Variants in AGTPBP1 observed in about 807,000 individuals in gnomAD.
The protein encoded by AGTPBP1 is ATP/GTP binding carboxypeptidase 1.
Under a neutral mutation model 143.9 loss-of-function variants are expected in AGTPBP1, and 70 were observed. The observed-to-expected ratio is 0.49, with a 90% CI of 0.40 to 0.59. The LOEUF (loss-of-function observed/expected upper bound fraction) is 0.59, where lower values mean the gene tolerates loss of function less well. AGTPBP1 is among the 20% of genes least tolerant of loss of function. The pLI is 0.00. For synonymous variants in AGTPBP1, 463 were observed against 500.2 expected (o/e 0.93, Z 0.99); for missense variants, 1,229 against 1,464.5 (o/e 0.84, Z 2.62).
chr9:85,613,295 G>GA lies in AGTPBP1; in HGVS notation c.2335+5687dup, dbSNP rs201539206. 1.2e-4 allele frequency among the ~76,000 whole-genome samples: 18 copies of GA among 148,114 alleles called. 2 individuals are homozygous for GA. The South Asian group carries it at 1.9e-3, about 16-fold the overall frequency. ...GTAAACATACCAGAAGTTAGAAAAA[G>GA]AAAAAAAAATCAGCCTGCAGAGAGG... is the stretch of plus-strand genomic sequence containing the variant. On this transcript the variant is annotated intron_variant, in intron 17 of 25. Coordinates refer to ENST00000357081, the MANE Select transcript of AGTPBP1 (RefSeq NM_001330701.2).
chr9:85,629,093 C>T (rs1164863016), intron 14 of AGTPBP1, among the ~76,000 whole-genome samples: 2 of 152,156 alleles, frequency 1.3e-5, no homozygotes, highest in Non-Finnish European at 2.9e-5. Context: ...AACTTGCATA[C>T]CAACATATCT....
intron 5 of AGTPBP1, 54 bp from the exon 6 acceptor site, chr9:85,677,636 A>G: frequency 7.2e-7 from 1 of 1,388,468 alleles, no homozygotes; most frequent in Non-Finnish European, 9.5e-7. Context: ...AAAATTAACA[A>G]ATTTAAACAA....
chr9:85,720,807 G>A (rs61581676), intron 1 of AGTPBP1, among the ~76,000 whole-genome samples: 41,818 of 151,922 alleles, frequency 0.28, 8,431 homozygotes, highest in East Asian at 0.77. Context: ...ATTTAGTGTT[G>A]TAAATTTTTC....
rs1171537985 is a variant in AGTPBP1 at position 85,596,376 on chromosome 9, G to T, written c.2409C>A (p.Asp803Glu). Residue 803 changes from aspartate to glutamate, a missense_variant, in exon 18 of 26, where the codon GAC becomes GAA. Around this residue, in one of 2 missense-constraint regions of AGTPBP1, gnomAD observed 486 missense variants for 652.3 expected, o/e 0.75. Transcript: ENST00000357081. ...AAAATACTTACTTATAGTAACAAATGTCAGTCCCCATACGAATCCACCATG... is the reference window on the plus strand; with the variant it reads ...AAAATACTTACTTATAGTAACAAATTTCAGTCCCCATACGAATCCACCATG... ...ARPWWIRMGT[D>E]ICYYKNHFSR... 2 of 1,606,564 alleles carry T rather than the reference G, an allele frequency of 1.2e-6. No homozygotes were observed. The highest frequency in any genetic ancestry group is 1.7e-6 in the Non-Finnish European group (2 of 1,175,400).
At chr9:85,714,474 T>C (rs1440109416) in intron 1 of AGTPBP1, among the ~76,000 whole-genome samples, 1 of 152,222 alleles carries the variant, frequency 6.6e-6, no homozygotes, top group East Asian at 1.9e-4. Flanking sequence ...TATATGCCCT[T>C]CTATGCAGTC....
At chr9:85,613,505 C>A (rs1313559785) in intron 17 of AGTPBP1, among the ~76,000 whole-genome samples, 1 of 151,726 alleles carries the variant, frequency 6.6e-6, no homozygotes, top group Admixed American at 6.6e-5. Context: ...TTTTTAAAAT[C>A]TAAATGTCAC....
chr9:85,625,711 C>G (rs969676288), intron 14 of AGTPBP1, among the ~76,000 whole-genome samples: 2 of 151,460 alleles, frequency 1.3e-5, no homozygotes, highest in Non-Finnish European at 2.9e-5. Context: ...CAGTGAAACC[C>G]CATCTCTACT....
chr9:85,649,746 T>C lies in AGTPBP1; in HGVS notation c.1088-3328A>G, dbSNP rs553981767. ...CCTTAAAAATTTTTCTACACTGATA[T>C]GATTTTTATGAAATCTTGTCATGGC... On this transcript the variant is annotated intron_variant, in intron 11 of 25. Coordinates refer to ENST00000357081, the MANE Select transcript of AGTPBP1 (RefSeq NM_001330701.2). 9.2e-5 allele frequency among the ~76,000 whole-genome samples: 14 copies of C among 152,302 alleles called. 1 individual carries two copies. In the South Asian group the frequency reaches 1.4e-3, roughly 16 times the overall value.
At chr9:85,731,044 T>C (rs915622660) in intron 1 of AGTPBP1, among the ~76,000 whole-genome samples, 1 of 152,182 alleles carries the variant, frequency 6.6e-6, no homozygotes, top group African/African-American at 2.4e-5. Context: ...AATGAAGGAT[T>C]TGGGCCATGG....
chr9:85,761,960 G>C, the AGTPBP1 span, among the ~76,000 whole-genome samples: 10 of 152,204 alleles, frequency 6.6e-5, no homozygotes, highest in Non-Finnish European at 1.2e-4. Flanking sequence ...AGTGGGTGAA[G>C]GATATGAACA....
intron 1 of AGTPBP1, among the ~76,000 whole-genome samples, chr9:85,725,791 T>C (rs1348407772): frequency 6.6e-6 from 1 of 151,740 alleles, no homozygotes; most frequent in African/African-American, 2.4e-5. Context: ...CACACTTGTA[T>C]TCCTAGCACT....
At chr9:85,739,534 C>A (rs1363997563) in intron 1 of AGTPBP1, among the ~76,000 whole-genome samples, 1 of 151,398 alleles carries the variant, frequency 6.6e-6, no homozygotes, top group Non-Finnish European at 1.5e-5. Context: ...CATGGTGAAA[C>A]CCCGTCTCTA....
intron 3 of AGTPBP1, among the ~76,000 whole-genome samples, chr9:85,684,681 T>G (rs1227890842): frequency 6.6e-6 from 1 of 152,144 alleles, no homozygotes; most frequent in Non-Finnish European, 1.5e-5. Flanking sequence ...GATCAGTAAT[T>G]TGTTAATAAT....
intron 2 of AGTPBP1, among the ~76,000 whole-genome samples, chr9:85,696,650 G>C (rs1179810144): frequency 6.6e-6 from 1 of 151,224 alleles, no homozygotes; most frequent in African/African-American, 2.4e-5. Context: ...CTGGGTGACA[G>C]AGCAAGACTC....
intron 25 of AGTPBP1, among the ~76,000 whole-genome samples, chr9:85,570,545 T>C (rs1329540221): frequency 6.6e-6 from 1 of 152,206 alleles, no homozygotes; most frequent in Non-Finnish European, 1.5e-5. Context: ...TCTATGTAAT[T>C]TTTAACTGTT....
intron 1 of AGTPBP1, among the ~76,000 whole-genome samples, chr9:85,715,955 A>G (rs529459591): frequency 6.6e-6 from 1 of 152,298 alleles, no homozygotes; most frequent in Admixed American, 6.5e-5. Context: ...TCACCATAAA[A>G]TCATGATATT....
chr9:85,678,277 G>A (rs932343652), intron 5 of AGTPBP1, 58 bp downstream of exon 5: 16 of 1,180,064 alleles, frequency 1.4e-5, no homozygotes, highest in East Asian at 5.0e-5. Context: ...AAGTGAATAC[G>A]ATACATTGTT....
intron 13 of AGTPBP1, among the ~76,000 whole-genome samples, chr9:85,637,671 G>C (rs148898368): frequency 4.6e-5 from 7 of 152,258 alleles, no homozygotes; most frequent in African/African-American, 1.4e-4. Context: ...AGACTACAAG[G>C]GGCCCAAGGA....
chr9:85,587,780 C>G (rs1828707121), intron 21 of AGTPBP1, among the ~76,000 whole-genome samples: 1 of 152,106 alleles, frequency 6.6e-6, no homozygotes, highest in Admixed American at 6.6e-5. Flanking sequence ...ACTGTACTAA[C>G]TATATGCAGC....
Sources: gnomAD v4.1 joint callset for allele counts (sites outside exome capture counted in the v4.1 genomes callset) on GRCh38, gnomAD v4.1.1 for gene constraint, gnomAD v4.1.1 regional missense constraint, MANE v1.5 for transcripts, NCBI Gene and HGNC (gene_info 2026-07-23, HGNC 2026-07-21) for gene names.